The following CRYBG1 variants were observed in gnomAD, a reference collection of about 807,000 sequenced individuals.
CRYBG1 encodes crystallin beta-gamma domain containing 1, also known as beta/gamma crystallin domain-containing protein 1.
A neutral mutation model predicts 189.2 loss-of-function variants in CRYBG1; 139 were observed. That is an observed-to-expected ratio of 0.73 (90% confidence interval 0.64 to 0.85). CRYBG1 has a LOEUF of 0.85. Among genes scored for constraint, CRYBG1 ranks in the 40% least tolerant of loss-of-function variants. The pLI, the probability that CRYBG1 is intolerant of heterozygous loss-of-function variation, is 0.00. For synonymous variants in CRYBG1, 1,023 were observed against 1,017.1 expected (o/e 1.01, Z -0.11); for missense variants, 2,611 against 2,675.8 (o/e 0.98, Z 0.53).
At chr6:106,457,571 T>C (rs565392593) in intron 2 of CRYBG1, among the ~76,000 whole-genome samples, 1 of 152,338 alleles carries the variant, frequency 6.6e-6, no homozygotes, top group Admixed American at 6.5e-5. Flanking sequence ...ACTAGTGTCA[T>C]CCATCTGGAC....
intron 4 of CRYBG1, 95 bp downstream of exon 4, chr6:106,521,548 T>A: frequency 7.6e-7 from 1 of 1,320,596 alleles, no homozygotes; most frequent in Non-Finnish European, 1.0e-6. Context: ...TAGAAATGGT[T>A]AAGCTTATGT....
chr6:106,499,535 G>C (rs1222400973), intron 2 of CRYBG1, among the ~76,000 whole-genome samples: 2 of 151,356 alleles, frequency 1.3e-5, no homozygotes, highest in Non-Finnish European at 2.9e-5. Context: ...TATATATGGG[G>C]TATAATGTGA....
intron 1 of CRYBG1, 122 bp from the exon 2 acceptor site, chr6:106,451,572 A>G (rs1298718077): frequency 1.0e-6 from 1 of 990,344 alleles, no homozygotes; most frequent in Non-Finnish European, 1.4e-6. Flanking sequence ...GTTTTGAAGA[A>G]TGATTCATTA....
At chr6:106,518,373 C>T (rs1264086169) in intron 3 of CRYBG1, among the ~76,000 whole-genome samples, 2 of 152,044 alleles carry the variant, frequency 1.3e-5, no homozygotes, top group Non-Finnish European at 2.9e-5. Context: ...AAAATCTATC[C>T]TTTTGAGATA....
intron 1 of CRYBG1, among the ~76,000 whole-genome samples, chr6:106,397,726 C>T (rs914592174): frequency 6.6e-6 from 1 of 152,194 alleles, no homozygotes; most frequent in African/African-American, 2.4e-5. Flanking sequence ...TCCATGACTA[C>T]TGAGTGACAA....
At chr6:106,555,195 A>G (rs1305306826) in intron 16 of CRYBG1, among the ~76,000 whole-genome samples, 7 of 10,600 alleles carry the variant, frequency 6.6e-4, no homozygotes, top group African/African-American at 8.2e-4. Flanking sequence ...AAAAAAGGAA[A>G]AAAAAAAAAA....
intron 1 of CRYBG1, among the ~76,000 whole-genome samples, chr6:106,362,542 C>A (rs1374774511): frequency 6.6e-6 from 1 of 152,158 alleles, no homozygotes. Context: ...CAGGCAGGGG[C>A]TGCACTGTGC....
intron 2 of CRYBG1, among the ~76,000 whole-genome samples, chr6:106,503,261 T>C (rs913826818): frequency 3.3e-5 from 5 of 152,096 alleles, no homozygotes; most frequent in Non-Finnish European, 7.4e-5. Flanking sequence ...ACTGGGAGCC[T>C]GGGGCGCAGA....
intron 1 of CRYBG1, among the ~76,000 whole-genome samples, chr6:106,403,751 A>G (rs569635365): frequency 6.6e-6 from 1 of 152,346 alleles, no homozygotes; most frequent in African/African-American, 2.4e-5. Flanking sequence ...CTCATGAGTC[A>G]TAAGTATGGT....
chr6:106,560,673 C>A (rs1035618831), intron 18 of CRYBG1, 130 bp from the exon 19 acceptor site: 12 of 1,139,378 alleles, frequency 1.1e-5, no homozygotes, highest in Admixed American at 3.0e-5. Flanking sequence ...TAGAAAAGAT[C>A]ATTTTTCCCC....
At chr6:106,551,746 T>C in intron 13 of CRYBG1, 106 bp from the exon 14 acceptor site, 2 of 1,306,050 alleles carry the variant, frequency 1.5e-6, no homozygotes, top group Admixed American at 4.2e-5. Context: ...AAAATTTCAA[T>C]TGGCAAAACA....
chr6:106,558,547 A>G lies in CRYBG1; in HGVS notation c.5777A>G (p.Glu1926Gly). Residue 1926 changes from glutamate (E) to glycine (G), a missense_variant, in exon 18 of 22, where the codon GAA becomes GGA. Physicochemically the swap from Glu to Gly is moderately conservative, Grantham distance 98. Transcript: ENST00000633556. ...GAAGACTTCAAAGGAAAAAAGATTG[A>G]ACTTAATGCAGAAACTGTCAATCTC... ...EREDFKGKKIELNAETVNLRS... is the reference protein window; with the variant it reads ...EREDFKGKKIGLNAETVNLRS... 1 of 1,612,642 alleles carries G rather than the reference A, an allele frequency of 6.2e-7. No homozygotes were observed. The highest frequency in any genetic ancestry group is 8.5e-7 in the Non-Finnish European group (1 of 1,178,792).
chr6:106,374,428 T>C (rs1484922744), intron 1 of CRYBG1, among the ~76,000 whole-genome samples: 1 of 152,068 alleles, frequency 6.6e-6, no homozygotes, highest in African/African-American at 2.4e-5. Context: ...CAGGGTGGCA[T>C]GCACCTGTAG....
chr6:106,462,427 G>A (rs1772033716), intron 2 of CRYBG1, among the ~76,000 whole-genome samples: 1 of 152,202 alleles, frequency 6.6e-6, no homozygotes, highest in Non-Finnish European at 1.5e-5. Flanking sequence ...CCAAAGTGCT[G>A]GGATTACAGG....
At chr6:106,375,409 G>GTAAA (rs1491365105) in intron 1 of CRYBG1, among the ~76,000 whole-genome samples, 34 of 139,364 alleles carry the variant, frequency 2.4e-4, no homozygotes, top group Non-Finnish European at 2.7e-4. Flanking sequence ...AAGTAAGTAA[G>GTAAA]TAAGTAAGTA....
At chr6:106,365,656 T>A (rs1258576159) in intron 1 of CRYBG1, among the ~76,000 whole-genome samples, 1 of 106,376 alleles carries the variant, frequency 9.4e-6, no homozygotes, top group Non-Finnish European at 2.2e-5. Context: ...TTATTTCCAT[T>A]GAGTTCTTTG....
At chr6:106,415,965 G>A (rs754762496) in intron 1 of CRYBG1, among the ~76,000 whole-genome samples, 5 of 151,838 alleles carry the variant, frequency 3.3e-5, no homozygotes, top group Admixed American at 6.6e-5. Flanking sequence ...CCCCTTGCTC[G>A]AGCAAGCAGT....
Position 106,511,711 on chromosome 6 carries a change from C to T in CRYBG1, c.594C>T (p.Pro198=), listed in dbSNP as rs752796151. Residue 198 remains proline (P), a synonymous_variant, in exon 3 of 22, where the codon CCC becomes CCT. Coordinates refer to ENST00000633556, the MANE Select transcript of CRYBG1 (RefSeq NM_001371242.2). The part of the protein sequence containing the change: ...ENPREAEGEL[P]ESGGPAAPPD... ...CCCGAGAGGCAGAGGGCGAGCTCCC[C>T]GAGAGCGGTGGCCCCGCAGCCCCCC... The T allele has an allele frequency of 7.2e-6, 11 of 1,535,362 alleles. No individual in the cohort carries two copies. The highest frequency in any genetic ancestry group is 1.2e-5 in the South Asian group (1 of 84,024).
intron 3 of CRYBG1, among the ~76,000 whole-genome samples, chr6:106,517,427 T>TATAC: frequency 9.2e-6 from 1 of 108,852 alleles, no homozygotes; most frequent in Non-Finnish European, 2.0e-5. Context: ...TACACATATA[T>TATAC]ATACACACAC....
Sources: gnomAD v4.1 joint callset for allele counts (sites outside exome capture counted in the v4.1 genomes callset) on GRCh38, gnomAD v4.1.1 for gene constraint, MANE v1.5 for transcripts, NCBI Gene and HGNC (gene_info 2026-07-23, HGNC 2026-07-21) for gene names.